LIN7A: variants seen among roughly 807,000 people sequenced by gnomAD.
LIN7A encodes the protein lin-7 cell polarity scaffold A, also known as protein lin-7 homolog A.
A neutral mutation model predicts 29.8 loss-of-function variants in LIN7A; 25 were observed. The observed-to-expected ratio is 0.84, with a 90% CI of 0.61 to 1.17. The LOEUF is 1.17. Among genes scored for constraint, LIN7A ranks in the 50% most tolerant of loss-of-function variants. The probability of loss-of-function intolerance (pLI) is 0.00; values close to 1 mark genes in which losing one functional copy is unlikely to be tolerated. For missense variants in LIN7A, 239 were observed against 287.0 expected (o/e 0.83, Z 1.21); for synonymous variants, 118 against 107.5 (o/e 1.10, Z -0.60).
At chr12:80,823,619 A>G (rs970520101) in intron 4 of LIN7A, among the ~76,000 whole-genome samples, 6 of 152,232 alleles carry the variant, frequency 3.9e-5, no homozygotes, top group Non-Finnish European at 7.3e-5. Flanking sequence ...GCAGAAGCTG[A>G]GCACAACTTG....
At chr12:80,920,956 C>T (rs1877269311) in intron 1 of LIN7A, among the ~76,000 whole-genome samples, 1 of 152,180 alleles carries the variant, frequency 6.6e-6, no homozygotes, top group South Asian at 2.1e-4. Flanking sequence ...CTACTTAAGA[C>T]AGAGGATTGC....
intron 4 of LIN7A, among the ~76,000 whole-genome samples, chr12:80,842,771 G>A (rs1872883242): frequency 6.6e-6 from 1 of 152,096 alleles, no homozygotes; most frequent in Non-Finnish European, 1.5e-5. Flanking sequence ...ACTGGGTCAT[G>A]AAGTCTCTTA....
chr12:80,867,563 A>T (rs1225625201), intron 2 of LIN7A, among the ~76,000 whole-genome samples: 1 of 152,102 alleles, frequency 6.6e-6, no homozygotes, highest in African/African-American at 2.4e-5. Context: ...TCATGATCTA[A>T]CAGATAGCTT....
chr12:80,884,629 A>G (rs957029897), intron 2 of LIN7A, among the ~76,000 whole-genome samples: 3 of 152,196 alleles, frequency 2.0e-5, no homozygotes, highest in African/African-American at 7.2e-5. Flanking sequence ...TTTAGATAGG[A>G]CGGAGAAATT....
intron 1 of LIN7A, among the ~76,000 whole-genome samples, chr12:80,896,779 C>G (rs1434726985): frequency 6.6e-6 from 1 of 152,184 alleles, no homozygotes; most frequent in African/African-American, 2.4e-5. Flanking sequence ...TCTGACAATA[C>G]TAGAGTCATG....
chr12:80,918,830 C>T (rs1289049876), intron 1 of LIN7A, among the ~76,000 whole-genome samples: 1 of 152,178 alleles, frequency 6.6e-6, no homozygotes. Context: ...GACTACATAA[C>T]ATTTCAGTCA....
chr12:80,798,234 C>A (rs913112462), intron 5 of LIN7A, among the ~76,000 whole-genome samples: 1 of 152,168 alleles, frequency 6.6e-6, no homozygotes, highest in African/African-American at 2.4e-5. Context: ...CCTCTATGGT[C>A]AGAGTTTGGG....
rs1006872289 is a variant in LIN7A at position 80,797,599 on chromosome 12, C to A, written c.*128G>T. The stretch of plus-strand genomic sequence containing the variant: ...GTTGCCTTGGTAAAGAATTTATACA[C>A]CATGTGTTCACAGCTTCTTGACAGG... On this transcript the variant is annotated 3_prime_UTR_variant, in exon 6 of 6. Transcript: ENST00000552864. The A allele has an allele frequency of 6.6e-6, 1 of 152,582 alleles. No homozygotes were observed. 9.5% of individuals were successfully genotyped at this position (152,582 alleles called of 1,614,324 possible).
chr12:80,804,632 G>C (rs1372766255), intron 5 of LIN7A, among the ~76,000 whole-genome samples: 1 of 151,782 alleles, frequency 6.6e-6, no homozygotes, highest in African/African-American at 2.4e-5. Context: ...TCCAGCTCCT[G>C]TGTTCAAATG....
At chr12:80,917,408 A>G (rs1383851166) in intron 1 of LIN7A, among the ~76,000 whole-genome samples, 1 of 152,224 alleles carries the variant, frequency 6.6e-6, no homozygotes, top group Non-Finnish European at 1.5e-5. Context: ...GGCTGTTTTA[A>G]TACTTAACTC....
intron 4 of LIN7A, among the ~76,000 whole-genome samples, chr12:80,837,646 T>C (rs1023838948): frequency 4.6e-5 from 7 of 152,154 alleles, no homozygotes; most frequent in Non-Finnish European, 1.0e-4. Flanking sequence ...TACATTTCTG[T>C]TGTTTAAAAA....
At chr12:80,804,031 T>TA (rs1387914782) in intron 5 of LIN7A, among the ~76,000 whole-genome samples, 2 of 152,184 alleles carry the variant, frequency 1.3e-5, no homozygotes, top group Admixed American at 1.3e-4. Context: ...TAGGTACATT[T>TA]AAAAAACTCC....
chr12:80,907,358 C>T (rs1260530069), intron 1 of LIN7A, among the ~76,000 whole-genome samples: 2 of 152,138 alleles, frequency 1.3e-5, no homozygotes, highest in East Asian at 1.9e-4. Flanking sequence ...GCAATAAGGA[C>T]ATATGTGCTT....
At chr12:80,932,805 A>C (rs1269301740) in intron 1 of LIN7A, among the ~76,000 whole-genome samples, 1 of 152,212 alleles carries the variant, frequency 6.6e-6, no homozygotes, top group African/African-American at 2.4e-5. Flanking sequence ...TTAATTCCTG[A>C]AGCATTTCTA....
chr12:80,843,233 T>G (rs1435643645), intron 4 of LIN7A, among the ~76,000 whole-genome samples: 4 of 152,144 alleles, frequency 2.6e-5, no homozygotes, highest in Non-Finnish European at 5.9e-5. Context: ...ATAAAAATCT[T>G]AGGGAGGCCC....
At chr12:80,833,916 G>A (rs553325351) in intron 4 of LIN7A, among the ~76,000 whole-genome samples, 181 of 152,232 alleles carry the variant, frequency 1.2e-3, no homozygotes, top group Non-Finnish European at 5.0e-4. Flanking sequence ...TTGTAATAGG[G>A]CATTTCTCCT....
intron 2 of LIN7A, among the ~76,000 whole-genome samples, chr12:80,851,912 G>A (rs1873354036): frequency 6.6e-6 from 1 of 152,020 alleles, no homozygotes. Flanking sequence ...TGCATGTTTA[G>A]AACTTATTCC....
intron 1 of LIN7A, among the ~76,000 whole-genome samples, chr12:80,926,336 T>C (rs1324068813): frequency 6.6e-6 from 1 of 152,202 alleles, no homozygotes; most frequent in Non-Finnish European, 1.5e-5. Flanking sequence ...GTTCCTATTT[T>C]CATTCCTATT....
chr12:80,811,539 G>C lies in LIN7A; in HGVS notation c.628C>G (p.Gln210Glu). Residue 210 changes from glutamine to glutamate, a missense_variant, in exon 5 of 6, where the codon CAG becomes GAG. Physicochemically the swap from Gln to Glu is conservative, Grantham distance 29. Transcript: ENST00000552864. Reference sequence around the variant, plus strand: ...TGCTGAATTAGCAATTGCTGCTGCTGCCGACGCCTGGCTGTTCGTAGCTTT... The same window carrying C: ...TGCTGAATTAGCAATTGCTGCTGCTCCCGACGCCTGGCTGTTCGTAGCTTT... The part of the protein sequence containing the change: ...FEKLRTARRR[Q>E]QQQLLIQQQQ... 1 of 1,613,268 alleles carries C rather than the reference G, an allele frequency of 6.2e-7. No homozygotes were observed. The highest frequency in any genetic ancestry group is 1.3e-5 in the African/African-American group (1 of 74,998).
Sources: allele counts gnomAD v4.1 joint callset (sites outside exome capture counted in the v4.1 genomes callset), GRCh38; gene constraint gnomAD v4.1.1; transcripts MANE v1.5; gene names NCBI Gene and HGNC (gene_info 2026-07-23, HGNC 2026-07-21).